The following DGKD variants were observed in gnomAD, a reference collection of about 807,000 sequenced individuals.
DGKD encodes DAG kinase delta.
In DGKD, 68 loss-of-function variants were observed where a neutral mutation model predicts 154.4. The observed-to-expected ratio is 0.44, with a 90% CI of 0.36 to 0.54. The LOEUF is 0.54. DGKD is among the 20% of genes least tolerant of loss of function. DGKD has a pLI of 0.00. For missense variants in DGKD, 1,343 were observed against 1,593.6 expected, an observed-to-expected ratio of 0.84 and a Z score of 2.68; for synonymous variants, 693 against 638.0, an observed-to-expected ratio of 1.09 and a Z score of -1.30.
At position 233,451,977 on chromosome 2, in the gene DGKD, A is replaced by G; in HGVS notation, c.2181A>G (p.Gly727=). 1.2e-6 allele frequency: 2 copies of G among 1,613,932 alleles called. No individual in the cohort carries two copies. The highest frequency in any genetic ancestry group is 1.7e-6 in the Non-Finnish European group (2 of 1,179,894). The part of the protein sequence containing the change: ...TKILYPNVRA[G]MSGSLPGGSV... ...TCTCCTTTACAGATGTCCGGGCTGG[A>G]ATGTCTGGTTCCTTACCCGGTGGCT... Residue 727 remains glycine (G), a synonymous_variant, in exon 18 of 30, where the codon GGA becomes GGG. Coordinates refer to ENST00000264057, the MANE Select transcript of DGKD (RefSeq NM_152879.3).
intron 26 of DGKD, among the ~76,000 whole-genome samples, chr2:233,463,207 A>G (rs112029587): frequency 3.7e-4 from 56 of 151,986 alleles, no homozygotes; most frequent in Non-Finnish European, 1.3e-4. Flanking sequence ...AGATTGGGCA[A>G]CTGGAGAACC....
intron 3 of DGKD, among the ~76,000 whole-genome samples, chr2:233,405,387 A>G (rs2061659302): frequency 6.6e-6 from 1 of 152,148 alleles, no homozygotes; most frequent in African/African-American, 2.4e-5. Context: ...GTGTGTTGGC[A>G]CATGCCTGTA....
intron 3 of DGKD, among the ~76,000 whole-genome samples, chr2:233,406,439 G>C (rs2061688365): frequency 1.3e-5 from 2 of 152,178 alleles, no homozygotes; most frequent in African/African-American, 4.8e-5. Context: ...TGGTGAGTAT[G>C]GTCATTCTGC....
intron 3 of DGKD, among the ~76,000 whole-genome samples, chr2:233,405,536 GA>G (rs921124101): frequency 2.4e-4 from 36 of 149,672 alleles, no homozygotes; most frequent in Admixed American, 4.0e-4. Context: ...AAAAAAGAAA[GA>G]AAAAAAAAGA....
intron 3 of DGKD, among the ~76,000 whole-genome samples, chr2:233,405,756 T>G (rs1363204743): frequency 6.6e-6 from 1 of 152,220 alleles, no homozygotes; most frequent in African/African-American, 2.4e-5. Context: ...TAAAATTATC[T>G]AGTCTGTGGT....
rs757595424 is a variant in DGKD at position 233,461,319 on chromosome 2, C to T, written c.2981+974C>T. ...CCTGGCTGTGGACAGGTGCACCCGT[C>T]GGTTTTGTGCCCGGCATGCCGTGTG... On this transcript the variant is annotated intron_variant, in intron 24 of 29. Transcript: ENST00000264057. Among the ~76,000 whole-genome samples, 11 of 152,228 alleles carry T rather than the reference C, an allele frequency of 7.2e-5. 1 individual carries two copies. Among genetic ancestry groups the T allele is most frequent in the South Asian group, 2.1e-4 (1 of 4,826 alleles).
chr2:233,379,062 C>T (rs975754355), intron 1 of DGKD, among the ~76,000 whole-genome samples: 6 of 152,104 alleles, frequency 3.9e-5, no homozygotes, highest in Admixed American at 1.3e-4. Flanking sequence ...GAGGCACTGG[C>T]GTGATTAAGA....
Position 233,459,710 on chromosome 2 carries a change from C to T in DGKD, c.2695-47C>T. On this transcript the variant is annotated intron_variant, in intron 22 of 29. Transcript: ENST00000264057. The surrounding 1 kb of genome is among the most constrained non-coding windows in gnomAD (Gnocchi z 5.7). ...TGGTGCTGATAGCACTTTTAAACCC[C>T]TGGGGGTTTTGGCTCAGCATGAGTA... is the stretch of plus-strand genomic sequence containing the variant. 1 of 1,599,178 alleles carries T rather than the reference C, an allele frequency of 6.3e-7. No individual in the cohort carries two copies. The highest frequency in any genetic ancestry group is 1.1e-5 in the South Asian group (1 of 89,062).
chr2:233,393,078 G>A (rs1703742439), intron 3 of DGKD, among the ~76,000 whole-genome samples: 1 of 152,136 alleles, frequency 6.6e-6, no homozygotes, highest in Admixed American at 6.5e-5. Flanking sequence ...AGGCTGGAGT[G>A]CAATGACGTG....
In DGKD at chr2:233,388,386, A is replaced by G. The variant is rs1262329874; in HGVS notation, c.267+19A>G. 1.2e-6 allele frequency: 2 copies of G among 1,607,080 alleles called. No individual in the cohort carries two copies. Among genetic ancestry groups the G allele is most frequent in the Non-Finnish European group, 1.7e-6 (2 of 1,176,956 alleles). On this transcript the variant is annotated intron_variant, in intron 2 of 29. Coordinates refer to ENST00000264057, the MANE Select transcript of DGKD (RefSeq NM_152879.3). ...GGCAAAGGTGAGGCCCCATGCAGGA[A>G]AGCACACGCGAGGACATCACAGGAG...
intron 3 of DGKD, among the ~76,000 whole-genome samples, chr2:233,397,692 A>T (rs1466995909): frequency 6.6e-6 from 1 of 152,106 alleles, no homozygotes; most frequent in Non-Finnish European, 1.5e-5. Context: ...AAATTCTCAG[A>T]TTTGCAGGTG....
chr2:233,397,583 T>TGAGGGG (rs2061449506), intron 3 of DGKD, among the ~76,000 whole-genome samples: 1 of 146,462 alleles, frequency 6.8e-6, no homozygotes, highest in African/African-American at 2.5e-5. Context: ...CCAGAGTGGC[T>TGAGGGG]GGCAGAGGCC....
intron 3 of DGKD, among the ~76,000 whole-genome samples, chr2:233,420,804 G>T (rs1476903821): frequency 6.6e-6 from 1 of 152,200 alleles, no homozygotes; most frequent in African/African-American, 2.4e-5. Context: ...GCTGGTTTTC[G>T]TGGCCTCTGT....
At chr2:233,435,388 C>T (rs73995950) in intron 5 of DGKD, among the ~76,000 whole-genome samples, 4,632 of 152,190 alleles carry the variant, frequency 0.03, 227 homozygotes, top group African/African-American at 0.11. Context: ...TGTACAGCTC[C>T]CACGCTTCAG....
intron 3 of DGKD, among the ~76,000 whole-genome samples, chr2:233,420,560 C>T (rs1404111024): frequency 2.0e-5 from 3 of 152,208 alleles, no homozygotes; most frequent in African/African-American, 7.2e-5. Context: ...TAGGCATAAA[C>T]AGTATATAGC....
chr2:233,421,990 G>GA (rs138310211), intron 3 of DGKD, among the ~76,000 whole-genome samples: 4,501 of 152,314 alleles, frequency 0.03, 220 homozygotes, highest in African/African-American at 0.1. Context: ...AGGTTGGGGG[G>GA]ATGGGACAAT....
chr2:233,429,743 A>T (rs976409211), intron 3 of DGKD, among the ~76,000 whole-genome samples: 7 of 152,268 alleles, frequency 4.6e-5, no homozygotes, highest in Admixed American at 1.3e-4. Flanking sequence ...GGCAGAAGGC[A>T]GACGGCCCCT....
chr2:233,447,997 G>A (rs2063142423), intron 12 of DGKD, 90 bp from the exon 13 acceptor site: 2 of 1,586,122 alleles, frequency 1.3e-6, no homozygotes, highest in East Asian at 2.2e-5. Context: ...AGCTTGTGCT[G>A]GCAAGGAAGT....
rs1449898304 is a variant in DGKD at position 233,440,163 on chromosome 2, A to G, written c.1086-1724A>G. Among the ~76,000 whole-genome samples the G allele has an allele frequency of 6.6e-6, 1 of 152,158 alleles. No homozygotes were observed. Among genetic ancestry groups the G allele is most frequent in the African/African-American group, 2.4e-5 (1 of 41,436 alleles). ...GCGGCGTAAGGGGAGTTGAGTCGTC[A>G]TTTACCATTTCTGGAAGCAGCTCAT... is the stretch of plus-strand genomic sequence containing the variant. On this transcript the variant is annotated intron_variant, in intron 9 of 29. Coordinates refer to ENST00000264057, the MANE Select transcript of DGKD (RefSeq NM_152879.3). This position sits in a 1 kb window ranked among gnomAD's most constrained non-coding sequence, Gnocchi z 4.9.
Sources: gnomAD v4.1 joint callset for allele counts (sites outside exome capture counted in the v4.1 genomes callset) on GRCh38, gnomAD v4.1.1 for gene constraint, Gnocchi (gnomAD v3.1) non-coding constraint, MANE v1.5 for transcripts, NCBI Gene and HGNC (gene_info 2026-07-23, HGNC 2026-07-21) for gene names.